CD226: variants seen among roughly 807,000 people sequenced by gnomAD.
The protein encoded by CD226 is CD226 antigen.
In CD226, 24 loss-of-function variants were observed where a neutral mutation model predicts 34.9. The ratio of observed to expected loss-of-function variants is 0.69; its 90% CI spans 0.50 to 0.97. The LOEUF (loss-of-function observed/expected upper bound fraction) is 0.97, where lower values mean the gene tolerates loss of function less well. Ranked by LOEUF, CD226 falls within the 50% of genes least tolerant of loss-of-function variation. The pLI, the probability that CD226 is intolerant of heterozygous loss-of-function variation, is 0.00. For missense variants in CD226, 397 were observed against 412.7 expected (o/e 0.96, Z 0.33); for synonymous variants, 148 against 147.4 (o/e 1.00, Z -0.03).
At chr18:69,868,328 G>C (rs2145179632) in intron 4 of CD226, among the ~76,000 whole-genome samples, 1 of 152,274 alleles carries the variant, frequency 6.6e-6, no homozygotes, top group African/African-American at 2.4e-5. Flanking sequence ...AATGTTTTGG[G>C]AGTTCTCTTT....
intron 2 of CD226, among the ~76,000 whole-genome samples, chr18:69,909,804 G>A (rs1223190682): frequency 2.0e-5 from 3 of 152,136 alleles, no homozygotes; most frequent in South Asian, 2.1e-4. Context: ...TTAATCCTAC[G>A]CAACAATAAT....
chr18:69,942,261 T>A (rs996917611), intron 2 of CD226, among the ~76,000 whole-genome samples: 1 of 152,220 alleles, frequency 6.6e-6, no homozygotes, highest in African/African-American at 2.4e-5. Flanking sequence ...TACACATTGG[T>A]TCTCTTTCTC....
intron 2 of CD226, among the ~76,000 whole-genome samples, chr18:69,897,809 T>C (rs1479797337): frequency 6.6e-6 from 1 of 152,172 alleles, no homozygotes. Context: ...TAGAATATCA[T>C]GGCTACGATA....
At chr18:69,960,840 A>C (rs2055926355), upstream of CD226, among the ~76,000 whole-genome samples, 1 of 152,234 alleles carries the variant, frequency 6.6e-6, no homozygotes, top group African/African-American at 2.4e-5. Context: ...TTTATGAGAA[A>C]CTAACAGCAA....
intron 3 of CD226, among the ~76,000 whole-genome samples, chr18:69,873,681 G>A (rs1285646977): frequency 6.6e-6 from 1 of 152,020 alleles, no homozygotes; most frequent in African/African-American, 2.4e-5. Context: ...ACCAGCATGG[G>A]CAACATGGTG....
intron 2 of CD226, among the ~76,000 whole-genome samples, chr18:69,940,676 C>A (rs1330949805): frequency 5.9e-5 from 9 of 152,100 alleles, no homozygotes; most frequent in Admixed American, 5.2e-4. Flanking sequence ...GCAGAAGAAA[C>A]TTCTAAGGGG....
intron 4 of CD226, among the ~76,000 whole-genome samples, chr18:69,867,694 CTT>C (rs1568155320): frequency 6.6e-6 from 1 of 152,132 alleles, no homozygotes; most frequent in African/African-American, 2.4e-5. Flanking sequence ...TTTATAGTGA[CTT>C]ATTACATAAA....
intron 4 of CD226, among the ~76,000 whole-genome samples, chr18:69,870,962 GCATC>G (rs1343446811): frequency 6.6e-6 from 1 of 152,192 alleles, no homozygotes; most frequent in Non-Finnish European, 1.5e-5. Flanking sequence ...CTTGTGGTGT[GCATC>G]CATGATTACA....
At chr18:69,900,114 G>T (rs963011093) in intron 2 of CD226, among the ~76,000 whole-genome samples, 7 of 152,186 alleles carry the variant, frequency 4.6e-5, no homozygotes, top group Non-Finnish European at 8.8e-5. Flanking sequence ...AAAAGAATGA[G>T]ATCATATGTT....
chr18:69,861,331 T>C lies in CD226; in HGVS notation c.*2983A>G, dbSNP rs1982805021. ...AAGTTCTTTAAATAAAGTTTGAAGG[T>C]ATCTCTTATAATAATATAGTCAATG... On this transcript the variant is annotated 3_prime_UTR_variant, in exon 6 of 6. Coordinates refer to ENST00000582621, the MANE Select transcript of CD226 (RefSeq NM_001303618.2). The C allele has an allele frequency of 6.6e-6, 1 of 151,374 alleles. No homozygotes were observed. The highest frequency in any genetic ancestry group is 1.5e-5 in the Non-Finnish European group (1 of 67,742). 9.4% of individuals were successfully genotyped at this position (151,374 alleles called of 1,614,324 possible).
At chr18:69,950,852 C>T (rs994130663), upstream of CD226, among the ~76,000 whole-genome samples, 4 of 152,146 alleles carry the variant, frequency 2.6e-5, no homozygotes, top group African/African-American at 7.2e-5. Context: ...AACTGACCAT[C>T]ACCCATTTCA....
chr18:69,942,876 CCCTT>C (rs1360748084), intron 2 of CD226, among the ~76,000 whole-genome samples: 1 of 152,174 alleles, frequency 6.6e-6, no homozygotes, highest in African/African-American at 2.4e-5. Context: ...CCCCAGGACA[CCCTT>C]CCCTCTCTGT....
At chr18:69,889,854 T>C (rs75395639) in intron 3 of CD226, among the ~76,000 whole-genome samples, 158 of 152,352 alleles carry the variant, frequency 1.0e-3, no homozygotes, top group Non-Finnish European at 1.5e-3. Flanking sequence ...TATGATTTCC[T>C]AGTGAATAGT....
At chr18:69,923,022 A>C (rs1224045552) in intron 2 of CD226, among the ~76,000 whole-genome samples, 1 of 151,942 alleles carries the variant, frequency 6.6e-6, no homozygotes, top group Non-Finnish European at 1.5e-5. Flanking sequence ...AATCCCAGCT[A>C]CTCAGGAGGC....
intron 2 of CD226, among the ~76,000 whole-genome samples, chr18:69,918,499 G>A (rs1364898639): frequency 3.9e-5 from 6 of 152,142 alleles, no homozygotes; most frequent in Admixed American, 6.6e-5. Context: ...TGGAGGTTGC[G>A]GTGAGCCGAG....
chr18:69,909,049 T>G (rs1399921819), intron 2 of CD226, among the ~76,000 whole-genome samples: 1 of 152,254 alleles, frequency 6.6e-6, no homozygotes, highest in Non-Finnish European at 1.5e-5. Context: ...CAAAATAGGC[T>G]AACCACTCCC....
intron 2 of CD226, among the ~76,000 whole-genome samples, chr18:69,916,517 A>T (rs1485178033): frequency 6.6e-6 from 1 of 152,232 alleles, no homozygotes; most frequent in African/African-American, 2.4e-5. Flanking sequence ...AACATTTATC[A>T]TCTCAACAAG....
chr18:69,918,929 G>T (rs769852694), intron 2 of CD226, among the ~76,000 whole-genome samples: 23 of 152,212 alleles, frequency 1.5e-4, no homozygotes, highest in Admixed American at 7.2e-4. Flanking sequence ...ACTTCAGGAA[G>T]GGCTGAGATT....
chr18:69,907,706 A>C (rs2055273345), intron 2 of CD226, among the ~76,000 whole-genome samples: 1 of 152,066 alleles, frequency 6.6e-6, no homozygotes, highest in African/African-American at 2.4e-5. Flanking sequence ...GGATTGGGAG[A>C]ATGAGGGGAT....
Sources: gnomAD v4.1 joint callset for allele counts (sites outside exome capture counted in the v4.1 genomes callset) on GRCh38, gnomAD v4.1.1 for gene constraint, MANE v1.5 for transcripts, NCBI Gene and HGNC (gene_info 2026-07-23, HGNC 2026-07-21) for gene names.